The following ADCY7 variants were observed in gnomAD, a reference collection of about 807,000 sequenced individuals.
The protein encoded by ADCY7 is adenylate cyclase 7.
Under a neutral mutation model 120.6 loss-of-function variants are expected in ADCY7, and 72 were observed. The ratio of observed to expected loss-of-function variants is 0.60; its 90% CI spans 0.49 to 0.73. ADCY7 has a LOEUF of 0.73. Ranked by LOEUF, ADCY7 falls within the 30% of genes least tolerant of loss-of-function variation. ADCY7 has a pLI of 0.00. For missense variants in ADCY7, 1,227 were observed against 1,486.0 expected, an observed-to-expected ratio of 0.83 and a Z score of 2.87; for synonymous variants, 661 against 628.0, an observed-to-expected ratio of 1.05 and a Z score of -0.78.
chr16:50,312,264 G>C, intron 21 of ADCY7, 73 bp downstream of exon 21: 1 of 1,550,262 alleles, frequency 6.5e-7, no homozygotes, highest in Non-Finnish European at 8.8e-7. Flanking sequence ...GTGAAGGTGT[G>C]GAGCTGGAGT....
Position 50,315,668 on chromosome 16 carries a change from A to G in ADCY7, c.*163A>G. On this transcript the variant is annotated 3_prime_UTR_variant, in exon 26 of 26. Coordinates refer to ENST00000673801, the MANE Select transcript of ADCY7 (RefSeq NM_001114.5). ...GGAGGATTTCTCAGACACATGCACC[A>G]GATTCTGGCTCGAAGCAGCCACTGA... 5 of 884,186 alleles carry G rather than the reference A, an allele frequency of 5.7e-6. No homozygotes were observed. Among genetic ancestry groups the G allele is most frequent in the Admixed American group, 5.7e-5 (2 of 35,024 alleles). The allele number at this position is 884,186 out of a possible 1,614,324, so 54.8% of individuals were successfully genotyped here. A position where few individuals can be genotyped will look rare whatever the true frequency, so the allele number is the denominator to read the frequency against.
At chr16:50,292,961 T>G in intron 5 of ADCY7, 136 bp downstream of exon 5, 1 of 1,168,698 alleles carries the variant, frequency 8.6e-7, no homozygotes, top group Non-Finnish European at 1.2e-6. Context: ...CGGTGAGTCC[T>G]GGGCTCCAGC....
intron 18 of ADCY7, 136 bp from the exon 19 acceptor site, chr16:50,310,551 T>C: frequency 6.4e-7 from 1 of 1,551,970 alleles, no homozygotes; most frequent in Non-Finnish European, 8.7e-7. Context: ...CTCATTGTTT[T>C]TTGTTGAGAA....
chr16:50,314,044 C>G lies in ADCY7; in HGVS notation c.2838C>G (p.Ala946=). 1.2e-6 allele frequency: 2 copies of G among 1,614,122 alleles called. No individual in the cohort carries two copies. The highest frequency in any genetic ancestry group is 1.7e-6 in the Non-Finnish European group (2 of 1,179,958). ...TYMAAAGLSV[A]SGHENQELER... Reference sequence around the variant, plus strand: ...TGGCAGCTGCAGGGCTCAGCGTCGCCTCAGGGCACGAGAACCAGGTACTCA... The same window carrying G: ...TGGCAGCTGCAGGGCTCAGCGTCGCGTCAGGGCACGAGAACCAGGTACTCA... Residue 946 remains alanine (A), a synonymous_variant, in exon 23 of 26, where the codon GCC becomes GCG. Transcript: ENST00000673801.
Position 50,294,766 on chromosome 16 carries a change from C to A in ADCY7, c.948+15C>A, listed in dbSNP as rs1421862403. ...AGATCGCCAAGGTGAGCCCGCTGGC[C>A]TACAATGGGCAAAGCCAGGCCCCTC... On this transcript the variant is annotated intron_variant, in intron 7 of 25. Coordinates refer to ENST00000673801, the MANE Select transcript of ADCY7 (RefSeq NM_001114.5). The A allele has an allele frequency of 3.8e-6, 6 of 1,585,840 alleles. No homozygotes were observed. The highest frequency in any genetic ancestry group is 4.3e-6 in the Non-Finnish European group (5 of 1,156,794).
chr16:50,311,808 C>A lies in ADCY7; in HGVS notation c.2448+22C>A, dbSNP rs374194955. Reference sequence around the variant, plus strand: ...ACAGGTAAGGAGGCTGGCCCCCCCCCCCCCCCCAAGCTCTGCCCACTTTTC... The same window carrying A: ...ACAGGTAAGGAGGCTGGCCCCCCCCACCCCCCCAAGCTCTGCCCACTTTTC... On this transcript the variant is annotated intron_variant, in intron 20 of 25. Coordinates refer to ENST00000673801, the MANE Select transcript of ADCY7 (RefSeq NM_001114.5). 9.6e-5 allele frequency: 129 copies of A among 1,337,022 alleles called. 3 individuals carry two copies. Among genetic ancestry groups the A allele is most frequent in the South Asian group, 1.3e-4 (10 of 75,750 alleles). 82.8% of individuals were successfully genotyped at this position (1,337,022 alleles called of 1,614,324 possible).
chr16:50,293,475 T>A lies in ADCY7; in HGVS notation c.809T>A (p.Leu270His), dbSNP rs774494133. Residue 270 changes from leucine to histidine, a missense_variant, in exon 6 of 26, where the codon CTC becomes CAC. Coordinates refer to ENST00000673801, the MANE Select transcript of ADCY7 (RefSeq NM_001114.5). ...RCMPDNNFHS[L>H]YVKRHQNVSI... Reference sequence around the variant, plus strand: ...ATGCCTGACAACAACTTCCACAGCCTCTACGTCAAGAGGCACCAGAATGTC... The same window carrying A: ...ATGCCTGACAACAACTTCCACAGCCACTACGTCAAGAGGCACCAGAATGTC... 6.2e-7 allele frequency: 1 copy of A among 1,614,016 alleles called. No homozygotes were observed. The highest frequency in any genetic ancestry group is 8.5e-7 in the Non-Finnish European group (1 of 1,180,006).
chr16:50,250,477 A>C (rs990265110), intron 1 of ADCY7, among the ~76,000 whole-genome samples: 2 of 151,142 alleles, frequency 1.3e-5, no homozygotes, highest in African/African-American at 2.4e-5. Flanking sequence ...AAAAAAAAAA[A>C]AACCTAAAAT....
In ADCY7 at chr16:50,288,236, T is replaced by C; in HGVS notation, c.57T>C (p.Asp19=). Reference sequence around the variant, plus strand: ...AGGGCGAGGAGGGCCCTGACCAAGATGCGCTCTACGAGAAGTACCAGCTCA... The same window carrying C: ...AGGGCGAGGAGGGCCCTGACCAAGACGCGCTCTACGAGAAGTACCAGCTCA... The part of the protein sequence containing the change: ...LNEGEEGPDQ[D]ALYEKYQLTS... The change falls in exon 2 of 26, where the codon GAT becomes GAC. Residue 19 remains aspartate, a synonymous_variant. Coordinates refer to ENST00000673801, the MANE Select transcript of ADCY7 (RefSeq NM_001114.5). The C allele has an allele frequency of 6.4e-7, 1 of 1,551,512 alleles. No individual in the cohort carries two copies. Among genetic ancestry groups the C allele is most frequent in the Non-Finnish European group, 8.7e-7 (1 of 1,147,070 alleles).
intron 1 of ADCY7, among the ~76,000 whole-genome samples, chr16:50,281,882 T>C (rs979289206): frequency 1.3e-5 from 2 of 152,140 alleles, no homozygotes; most frequent in African/African-American, 4.8e-5. Context: ...TTCGCGTTAA[T>C]ATGAGATTCC....
At chr16:50,270,055 T>C (rs1330998567) in intron 1 of ADCY7, among the ~76,000 whole-genome samples, 2 of 152,080 alleles carry the variant, frequency 1.3e-5, no homozygotes, top group African/African-American at 4.8e-5. Flanking sequence ...GCCAGCATGG[T>C]GGTGCATGCC....
At chr16:50,302,737 C>T (rs556116558) in intron 10 of ADCY7, among the ~76,000 whole-genome samples, 8 of 152,226 alleles carry the variant, frequency 5.3e-5, no homozygotes, top group South Asian at 2.1e-4. Flanking sequence ...TCACGGACAC[C>T]GAGTGAACTG....
intron 24 of ADCY7, 60 bp downstream of exon 24, chr16:50,314,466 CTG>C: frequency 7.9e-7 from 1 of 1,269,992 alleles, no homozygotes; most frequent in Non-Finnish European, 1.1e-6. Flanking sequence ...TCCACCCAGT[CTG>C]TGTGGCACAG....
Position 50,310,896 on chromosome 16 carries a change from T to C in ADCY7, c.2354+16T>C. ...GCACCACCAGGTGGGGTCCCGCCCG[T>C]CCCCGTCCCCATCCCCATGGTGGCC... On this transcript the variant is annotated intron_variant, in intron 19 of 25. Transcript: ENST00000673801. 2 of 1,566,946 alleles carry C rather than the reference T, an allele frequency of 1.3e-6. No individual in the cohort carries two copies. Among genetic ancestry groups the C allele is most frequent in the Non-Finnish European group, 1.7e-6 (2 of 1,158,354 alleles).
rs1318212486 is a variant in ADCY7 at position 50,297,963 on chromosome 16, G to A, written c.949-941G>A. Among the ~76,000 whole-genome samples, 1 of 151,996 alleles carries A rather than the reference G, an allele frequency of 6.6e-6. No individual in the cohort carries two copies. The highest frequency in any genetic ancestry group is 2.1e-4 in the South Asian group (1 of 4,824). ...CACCCATGAGGCCTCGGTGCATGTG[G>A]CCACCCTTGCTGAGGGCTTAAGGAG... On this transcript the variant is annotated intron_variant, in intron 7 of 25. Transcript: ENST00000673801. This position sits in a 1 kb window ranked among gnomAD's most constrained non-coding sequence, Gnocchi z 4.4.
chr16:50,314,581 AGT>A (rs1173051029), intron 24 of ADCY7, 175 bp downstream of exon 24: 6 of 578,146 alleles, frequency 1.0e-5, no homozygotes, highest in African/African-American at 1.9e-5. Context: ...GTTAGCATAT[AGT>A]TACCATTGAG....
chr16:50,245,382 G>C (rs969716005), upstream of ADCY7, among the ~76,000 whole-genome samples: 1 of 152,170 alleles, frequency 6.6e-6, no homozygotes, highest in Non-Finnish European at 1.5e-5. Context: ...ATTCATGGGG[G>C]TCTGCGAGTG....
chr16:50,304,695 T>C, intron 11 of ADCY7, 144 bp downstream of exon 11: 1 of 1,043,852 alleles, frequency 9.6e-7, no homozygotes, highest in Non-Finnish European at 1.4e-6. Context: ...CTCCTGGGGC[T>C]GGAGAGGAAG....
chr16:50,310,654 G>A (rs758841243), intron 18 of ADCY7, 33 bp from the exon 19 acceptor site: 35 of 1,609,180 alleles, frequency 2.2e-5, no homozygotes, highest in Non-Finnish European at 2.9e-5. Flanking sequence ...GTGGTGGGGT[G>A]GCCCTGTCCT....
Sources: gnomAD v4.1 joint callset for allele counts (sites outside exome capture counted in the v4.1 genomes callset) on GRCh38, gnomAD v4.1.1 for gene constraint, Gnocchi (gnomAD v3.1) non-coding constraint, MANE v1.5 for transcripts, NCBI Gene and HGNC (gene_info 2026-07-23, HGNC 2026-07-21) for gene names.